Variants in TNNT2 observed in about 807,000 individuals in gnomAD.
TNNT2 encodes the protein troponin T2, cardiac type, also known as troponin T, cardiac muscle.
A neutral mutation model predicts 62.4 loss-of-function variants in TNNT2; 34 were observed. That is an observed-to-expected ratio of 0.54 (90% confidence interval 0.41 to 0.72). The LOEUF (loss-of-function observed/expected upper bound fraction) is 0.72. Ranked by LOEUF, TNNT2 falls within the 30% of genes least tolerant of loss-of-function variation. TNNT2 has a pLI of 0.00. For missense variants in TNNT2, 275 were observed against 381.9 expected, an observed-to-expected ratio of 0.72 and a Z score of 2.33; for synonymous variants, 123 against 127.2, an observed-to-expected ratio of 0.97 and a Z score of 0.22.
intron 10 of TNNT2, 90 bp downstream of exon 10, chr1:201,365,099 GAA>G (rs2102259773): frequency 1.8e-6 from 2 of 1,121,622 alleles, no homozygotes; most frequent in East Asian, 4.7e-5. Context: ...AGGCGCCGAG[GAA>G]GGCTGTCTGG....
At chr1:201,365,460 C>T in intron 9 of TNNT2, 150 bp downstream of exon 9, 1 of 1,185,584 alleles carries the variant, frequency 8.4e-7, no homozygotes. Context: ...GAACCCAGGA[C>T]CACGCTCATG....
At chr1:201,371,937 G>T in intron 4 of TNNT2, 90 bp downstream of exon 4, 1 of 1,537,700 alleles carries the variant, frequency 6.5e-7, no homozygotes, top group Non-Finnish European at 9.0e-7. Context: ...TGAGGAGCAG[G>T]GACAGATGAG....
intron 11 of TNNT2, chr1:201,364,006 C>T: frequency 2.3e-6 from 1 of 432,270 alleles, no homozygotes. Flanking sequence ...CCTGCCTCAG[C>T]CTCCTGAGTA....
intron 8 of TNNT2, chr1:201,366,370 C>T (rs1039127126): frequency 9.5e-7 from 1 of 1,054,886 alleles, no homozygotes; most frequent in East Asian, 7.8e-5. Context: ...CCAGCCCCCC[C>T]CAGCACACAC....
At chr1:201,367,931 T>C in intron 6 of TNNT2, 125 bp from the exon 7 acceptor site, 1 of 1,218,844 alleles carries the variant, frequency 8.2e-7, no homozygotes, top group East Asian at 2.3e-5. Flanking sequence ...GTTTTTGGGG[T>C]TACAGAGCTG....
At chr1:201,366,740 CA>C in intron 8 of TNNT2, 97 bp downstream of exon 8, 1 of 1,609,764 alleles carries the variant, frequency 6.2e-7, no homozygotes, top group Non-Finnish European at 8.5e-7. Flanking sequence ...ACCAAACCCC[CA>C]GCCCGTGTCC....
chr1:201,359,720 C>T, intron 15 of TNNT2, 57 bp from the exon 16 acceptor site: 1 of 1,522,200 alleles, frequency 6.6e-7, no homozygotes, highest in South Asian at 1.2e-5. Context: ...GCTCAGGTCC[C>T]AGGTGGCCTG....
At chr1:201,369,548 C>T (rs565987148) in intron 5 of TNNT2, among the ~76,000 whole-genome samples, 2 of 152,296 alleles carry the variant, frequency 1.3e-5, no homozygotes, top group South Asian at 4.1e-4. Flanking sequence ...GCTTGGGAGA[C>T]CAGCTAGCCT....
intron 11 of TNNT2, 29 bp downstream of exon 11, chr1:201,364,268 CT>C: frequency 6.2e-7 from 1 of 1,605,454 alleles, no homozygotes; most frequent in Non-Finnish European, 8.5e-7. Flanking sequence ...CATGGGGGGC[CT>C]CCATGGGCCT....
At chr1:201,370,425 A>G (rs1398567260) in intron 4 of TNNT2, among the ~76,000 whole-genome samples, 1 of 152,164 alleles carries the variant, frequency 6.6e-6, no homozygotes, top group Non-Finnish European at 1.5e-5. Flanking sequence ...ATGCTGCCCC[A>G]TCTAAGAAGG....
intron 8 of TNNT2, chr1:201,366,363 GC>G (rs3841823): frequency 0.82 from 831,759 of 1,018,580 alleles, 340,177 homozygotes; most frequent in South Asian, 0.87. Context: ...CTATCCCCCA[GC>G]CCCCCCCAGC....
chr1:201,374,465 C>A (rs1661099257), intron 1 of TNNT2: 1 of 152,144 alleles, frequency 6.6e-6, no homozygotes, highest in South Asian at 2.1e-4. Context: ...AGGGTCTTTA[C>A]GAGGCTCCAG....
chr1:201,371,887 T>C, intron 4 of TNNT2, 140 bp downstream of exon 4: 2 of 1,151,368 alleles, frequency 1.7e-6, no homozygotes, highest in South Asian at 2.6e-5. Flanking sequence ...ATTCCCATTT[T>C]AGAAGGCACT....
intron 5 of TNNT2, 106 bp from the exon 6 acceptor site, chr1:201,368,333 C>T (rs750586455): frequency 2.1e-5 from 25 of 1,171,502 alleles, no homozygotes; most frequent in African/African-American, 3.0e-5. Context: ...GGGGTCAAGA[C>T]GTCTAGGTCC....
intron 14 of TNNT2, among the ~76,000 whole-genome samples, chr1:201,361,610 G>C (rs917280128): frequency 6.6e-6 from 1 of 152,240 alleles, no homozygotes; most frequent in Non-Finnish European, 1.5e-5. Flanking sequence ...CGGGGAGCAG[G>C]AGAAGCCCTT....
At chr1:201,363,210 A>T in intron 12 of TNNT2, 86 bp downstream of exon 12, 1 of 1,610,650 alleles carries the variant, frequency 6.2e-7, no homozygotes, top group Admixed American at 1.7e-5. Context: ...CTGGGACCTG[A>T]CCTAAAGTCT....
Position 201,359,178 on chromosome 1 carries a change from AG to A in TNNT2, c.*31del, listed in dbSNP as rs776968084. On this transcript the variant is annotated 3_prime_UTR_variant, in exon 17 of 17. Transcript: ENST00000656932. ...TGCAGGCCGGAGGCAGGTGCGAGCG[AG>A]GAGCAGATCTTTGGTGAAGGAGGCC... 1.2e-4 allele frequency: 187 copies of A among 1,602,224 alleles called. No homozygotes were observed. Among genetic ancestry groups the A allele is most frequent in the Middle Eastern group, 8.9e-4 (5 of 5,592 alleles).
At chr1:201,359,482 G>T in intron 16 of TNNT2, 141 bp downstream of exon 16, 3 of 1,022,842 alleles carry the variant, frequency 2.9e-6, no homozygotes, top group South Asian at 1.4e-5. Context: ...CCCCGGAGGA[G>T]CCAGAGAAGG....
rs752111672 is a variant in TNNT2, at chr1:201,359,237, C to T, written c.870G>A (p.Lys290=). 1 of 1,611,408 alleles carries T rather than the reference C, an allele frequency of 6.2e-7. No individual in the cohort carries two copies. ...DNQKVSKTRG[K]AKVTGRWK is the part of the protein sequence containing the mutation. ...ATTTCCAGCGCCCGGTGACTTTAGC[C>T]TTCCCGCGGGTCTTGGAGCTGCAGG... The change falls in exon 17 of 17, where the codon AAG becomes AAA. Residue 290 remains lysine, a synonymous_variant. Coordinates refer to ENST00000656932, the MANE Select transcript of TNNT2 (RefSeq NM_001276345.2).
Sources: gnomAD v4.1 joint callset for allele counts (sites outside exome capture counted in the v4.1 genomes callset) on GRCh38, gnomAD v4.1.1 for gene constraint, MANE v1.5 for transcripts, NCBI Gene and HGNC (gene_info 2026-07-23, HGNC 2026-07-21) for gene names.